Variants in GRM7 observed in about 807,000 individuals in gnomAD.
GRM7 encodes the protein glutamate metabotropic receptor 7.
In GRM7, 35 loss-of-function variants were observed where a neutral mutation model predicts 84.5. The ratio of observed to expected loss-of-function variants is 0.41; its 90% CI spans 0.32 to 0.55. The LOEUF (loss-of-function observed/expected upper bound fraction) is 0.55, where lower values mean the gene tolerates loss of function less well. Among genes scored for constraint, GRM7 ranks in the 20% least tolerant of loss-of-function variants. GRM7 has a pLI of 0.19. For missense variants in GRM7, 1,003 were observed against 1,194.6 expected (o/e 0.84, Z 2.36); for synonymous variants, 487 against 455.1 (o/e 1.07, Z -0.89).
At chr3:7,325,025 C>T (rs569119714) in intron 4 of GRM7, among the ~76,000 whole-genome samples, 2 of 152,278 alleles carry the variant, frequency 1.3e-5, no homozygotes, top group South Asian at 4.2e-4. Flanking sequence ...GATTTAAACC[C>T]AGTGGATTTT....
intron 1 of GRM7, among the ~76,000 whole-genome samples, chr3:6,941,262 GT>G (rs1291534573): frequency 6.6e-6 from 1 of 152,148 alleles, no homozygotes; most frequent in Non-Finnish European, 1.5e-5. Flanking sequence ...ACTTAGAACT[GT>G]CTTGAAGAAC....
At chr3:7,588,902 A>C (rs565757880) in intron 8 of GRM7, among the ~76,000 whole-genome samples, 39 of 152,352 alleles carry the variant, frequency 2.6e-4, no homozygotes, top group African/African-American at 9.4e-4. Flanking sequence ...TTTCCAAAAA[A>C]GGCTTGATTT....
chr3:7,138,047 T>A (rs2648629), intron 1 of GRM7, among the ~76,000 whole-genome samples: 152,185 of 152,186 alleles, frequency 1, 76,092 homozygotes, highest in Non-Finnish European at 1. Flanking sequence ...GAAGTAAAAA[T>A]ATTCCTGTGT....
At chr3:7,010,168 G>A (rs760616952) in intron 1 of GRM7, among the ~76,000 whole-genome samples, 5 of 152,116 alleles carry the variant, frequency 3.3e-5, no homozygotes, top group African/African-American at 1.2e-4. Context: ...CCAGTAGCTC[G>A]GGACGGGCAT....
chr3:7,323,096 G>A (rs537439482), intron 4 of GRM7, among the ~76,000 whole-genome samples: 1 of 152,246 alleles, frequency 6.6e-6, no homozygotes, highest in South Asian at 2.1e-4. Context: ...TTGTACAAGA[G>A]AATTGGTCAC....
rs529343199 is a variant in GRM7 at position 7,364,576 on chromosome 3, C to A, written c.1034-50447C>A. Among the ~76,000 whole-genome samples the A allele has an allele frequency of 1.9e-3, 284 of 151,716 alleles. 1 individual carries two copies. Among genetic ancestry groups the A allele is most frequent in the African/African-American group, 6.6e-3 (273 of 41,478 alleles). On this transcript the variant is annotated intron_variant, in intron 4 of 9. Coordinates refer to ENST00000357716, the MANE Select transcript of GRM7 (RefSeq NM_000844.4). ...TTTACTCATTTTTCCTCCTATCAGA[C>A]TGACTTTTTGTTTTTATTCCTTTTC...
chr3:7,626,869 C>CATG (rs1331523304), intron 8 of GRM7, among the ~76,000 whole-genome samples: 3 of 151,442 alleles, frequency 2.0e-5, no homozygotes, highest in African/African-American at 7.3e-5. Flanking sequence ...CATGTCAAGA[C>CATG]CGAACATTAT....
chr3:7,294,546 A>C (rs928438283), intron 2 of GRM7, among the ~76,000 whole-genome samples: 2 of 140,304 alleles, frequency 1.4e-5, no homozygotes, highest in African/African-American at 2.8e-5. Context: ...TCTCTATGCC[A>C]CCTTCCTAAG....
intron 1 of GRM7, among the ~76,000 whole-genome samples, chr3:7,020,883 G>C (rs1319770346): frequency 6.6e-6 from 1 of 152,142 alleles, no homozygotes; most frequent in African/African-American, 2.4e-5. Flanking sequence ...AGTTATAATT[G>C]AGCTTGATGA....
intron 8 of GRM7, among the ~76,000 whole-genome samples, chr3:7,617,002 GT>G (rs1697116020): frequency 6.6e-6 from 1 of 152,102 alleles, no homozygotes. Flanking sequence ...AAAAAACAGT[GT>G]TAGTGACTTA....
chr3:7,391,549 G>C (rs1401763910), intron 4 of GRM7, among the ~76,000 whole-genome samples: 1 of 152,030 alleles, frequency 6.6e-6, no homozygotes, highest in Non-Finnish European at 1.5e-5. Flanking sequence ...TCACACACCG[G>C]GGCCTGTCGT....
intron 8 of GRM7, among the ~76,000 whole-genome samples, chr3:7,595,938 G>A (rs1340006684): frequency 6.6e-6 from 1 of 152,126 alleles, no homozygotes; most frequent in African/African-American, 2.4e-5. Flanking sequence ...TTTTGAGCAT[G>A]AGCTGACTAA....
intron 3 of GRM7, among the ~76,000 whole-genome samples, chr3:7,301,116 C>T (rs957482194): frequency 7.2e-5 from 11 of 152,146 alleles, no homozygotes; most frequent in African/African-American, 2.4e-4. Flanking sequence ...AACTCTTATC[C>T]TCCGATTTGT....
At chr3:7,376,998 G>T (rs575208179) in intron 4 of GRM7, among the ~76,000 whole-genome samples, 1 of 152,304 alleles carries the variant, frequency 6.6e-6, no homozygotes, top group South Asian at 2.1e-4. Flanking sequence ...ATCACTTTCA[G>T]TTGAGAACCA....
intron 9 of GRM7, among the ~76,000 whole-genome samples, chr3:7,724,602 A>G (rs1156442348): frequency 6.6e-6 from 1 of 152,200 alleles, no homozygotes; most frequent in Non-Finnish European, 1.5e-5. Context: ...CTTTGCATCT[A>G]TCTCAAAAAG....
intron 7 of GRM7, among the ~76,000 whole-genome samples, chr3:7,485,147 G>A (rs1258570824): frequency 1.3e-5 from 2 of 152,174 alleles, no homozygotes; most frequent in Non-Finnish European, 2.9e-5. Flanking sequence ...AACCATAAAA[G>A]AGACTGTGAA....
intron 1 of GRM7, among the ~76,000 whole-genome samples, chr3:7,032,334 T>C (rs1307474881): frequency 6.6e-6 from 1 of 152,228 alleles, no homozygotes; most frequent in African/African-American, 2.4e-5. Flanking sequence ...GTTATTTGGT[T>C]AGATGTGAGT....
intron 1 of GRM7, among the ~76,000 whole-genome samples, chr3:7,111,901 C>A (rs371963310): frequency 6.0e-5 from 9 of 150,598 alleles, no homozygotes; most frequent in South Asian, 2.1e-4. Flanking sequence ...ATTACCAGCA[C>A]CCCCCCACCC....
intron 9 of GRM7, among the ~76,000 whole-genome samples, chr3:7,713,124 GTTTTTTTTT>G (rs5846535): frequency 1.6e-4 from 16 of 97,134 alleles, no homozygotes; most frequent in African/African-American, 2.2e-4. Context: ...ATTTTGTTTT[GTTTTTTTTT>G]TTTTTTTTTT....
Sources: allele counts gnomAD v4.1 joint callset (sites outside exome capture counted in the v4.1 genomes callset), GRCh38; gene constraint gnomAD v4.1.1; transcripts MANE v1.5; gene names NCBI Gene and HGNC (gene_info 2026-07-23, HGNC 2026-07-21).